The following TLN2 variants were observed in gnomAD, a reference collection of about 807,000 sequenced individuals.
The protein encoded by TLN2 is talin 2.
Under a neutral mutation model 294.7 loss-of-function variants are expected in TLN2, and 118 were observed. That is an observed-to-expected ratio of 0.40 (90% CI 0.34 to 0.47). The LOEUF (loss-of-function observed/expected upper bound fraction) is 0.47. Among genes scored for constraint, TLN2 ranks in the 20% least tolerant of loss-of-function variants. The pLI, the probability that TLN2 is intolerant of heterozygous loss-of-function variation, is 0.84. For missense variants in TLN2, 3,083 were observed against 3,282.2 expected, an observed-to-expected ratio of 0.94 and a Z score of 1.48; for synonymous variants, 1,431 against 1,304.5, an observed-to-expected ratio of 1.10 and a Z score of -2.09.
At chr15:62,509,191 C>A (rs1050238277) in intron 1 of TLN2, among the ~76,000 whole-genome samples, 1 of 152,226 alleles carries the variant, frequency 6.6e-6, no homozygotes, top group African/African-American at 2.4e-5. Flanking sequence ...GACATTCTGA[C>A]TATGATGGCT....
chr15:62,740,146 A>T (rs1216607251), intron 31 of TLN2, among the ~76,000 whole-genome samples: 2 of 151,856 alleles, frequency 1.3e-5, no homozygotes, highest in Non-Finnish European at 2.9e-5. Flanking sequence ...TCAGATGGCA[A>T]CCGGGTGAGA....
At chr15:62,410,119 G>A (rs1011728368) in intron 1 of TLN2, among the ~76,000 whole-genome samples, 3 of 152,112 alleles carry the variant, frequency 2.0e-5, no homozygotes, top group African/African-American at 4.8e-5. Context: ...GTGTGCGCCT[G>A]TAATCCCAGC....
chr15:62,657,725 T>C (rs200354691), intron 8 of TLN2, 46 bp from the exon 9 acceptor site: 321 of 1,594,586 alleles, frequency 2.0e-4, no homozygotes, highest in Middle Eastern at 1.0e-3. Context: ...AGAGAACGTG[T>C]CACTCCCCGA....
chr15:62,445,857 G>T (rs895785807), intron 1 of TLN2, among the ~76,000 whole-genome samples: 1 of 152,018 alleles, frequency 6.6e-6, no homozygotes, highest in African/African-American at 2.4e-5. Flanking sequence ...AGAGATGAGG[G>T]CTCACTGTGT....
At chr15:62,770,887 G>C in intron 41 of TLN2, 77 bp from the exon 42 acceptor site, 4 of 1,521,502 alleles carry the variant, frequency 2.6e-6, no homozygotes, top group Non-Finnish European at 3.5e-6. Flanking sequence ...CCCCTCCCGC[G>C]CCTGACTGTG....
chr15:62,623,953 C>G (rs2049046338), intron 3 of TLN2, among the ~76,000 whole-genome samples: 1 of 152,116 alleles, frequency 6.6e-6, no homozygotes, highest in Non-Finnish European at 1.5e-5. Context: ...TTAGGTATTA[C>G]TGTACTTTTT....
chr15:62,701,339 C>T, intron 17 of TLN2, 125 bp downstream of exon 17: 1 of 822,812 alleles, frequency 1.2e-6, no homozygotes, highest in Non-Finnish European at 1.9e-6. Context: ...AGAGGATAGT[C>T]TAAGGCACTT....
At chr15:62,827,478 G>GTAAC (rs1314077078) in intron 54 of TLN2, among the ~76,000 whole-genome samples, 3 of 152,284 alleles carry the variant, frequency 2.0e-5, no homozygotes, top group African/African-American at 2.4e-5. Flanking sequence ...AGAAAACTGA[G>GTAAC]TAACTGATAC....
chr15:62,601,603 C>T (rs2047013459), intron 2 of TLN2, among the ~76,000 whole-genome samples: 2 of 152,124 alleles, frequency 1.3e-5, no homozygotes, highest in African/African-American at 4.8e-5. Context: ...TGATCATTGC[C>T]TATATCTCTT....
rs550743297 is a variant in TLN2, at chr15:62,701,030, T to C, written c.1588-76T>C. The C allele has an allele frequency of 1.1e-5, 14 of 1,327,438 alleles. No homozygotes were observed. The African/African-American group carries it at 1.6e-4, about 15-fold the overall frequency. The allele number at this position is 1,327,438 out of a possible 1,614,324, so 82.2% of individuals were successfully genotyped here. A position where few individuals can be genotyped will look rare whatever the true frequency, so the allele number is the denominator to read the frequency against. ...GAATGTAGCCAAAATGCTGGTGTGA[T>C]TTTATGGCGGGGCTTCTCCGGTCTC... On this transcript the variant is annotated intron_variant, in intron 16 of 58. Coordinates refer to ENST00000636159, the MANE Select transcript of TLN2 (RefSeq NM_015059.3).
At chr15:62,838,433 G>A (rs1596218400) in intron 57 of TLN2, among the ~76,000 whole-genome samples, 1 of 152,200 alleles carries the variant, frequency 6.6e-6, no homozygotes, top group African/African-American at 2.4e-5. Flanking sequence ...AGCTAAGGGA[G>A]ACAAGCGAAA....
At chr15:62,662,294 A>G (rs992645914) in intron 9 of TLN2, among the ~76,000 whole-genome samples, 3 of 152,200 alleles carry the variant, frequency 2.0e-5, no homozygotes, top group African/African-American at 7.2e-5. Flanking sequence ...AAATAAATTT[A>G]CAATCTTGAA....
intron 1 of TLN2, among the ~76,000 whole-genome samples, chr15:62,451,000 A>T (rs2036108991): frequency 6.8e-6 from 1 of 146,456 alleles, no homozygotes; most frequent in African/African-American, 2.6e-5. Flanking sequence ...GGTAGAGATG[A>T]GGTCTTGCTA....
chr15:62,600,079 G>A (rs2046860360), intron 2 of TLN2, among the ~76,000 whole-genome samples: 1 of 152,326 alleles, frequency 6.6e-6, no homozygotes, highest in South Asian at 2.1e-4. Flanking sequence ...CCAAGAGGAG[G>A]TGGGATTTCC....
intron 1 of TLN2, among the ~76,000 whole-genome samples, chr15:62,447,114 G>A (rs1483269901): frequency 6.6e-6 from 1 of 152,170 alleles, no homozygotes; most frequent in Non-Finnish European, 1.5e-5. Context: ...ACGCATAGCT[G>A]CATAATCTTT....
intron 29 of TLN2, 52 bp downstream of exon 29, chr15:62,737,138 C>T: frequency 6.3e-7 from 1 of 1,592,150 alleles, no homozygotes; most frequent in East Asian, 2.2e-5. Flanking sequence ...TTAACGTGGA[C>T]ATGTGGTCGG....
chr15:62,746,247 A>G (rs929280012), intron 32 of TLN2, among the ~76,000 whole-genome samples: 1 of 152,216 alleles, frequency 6.6e-6, no homozygotes, highest in Admixed American at 6.5e-5. Flanking sequence ...ATATGTTGAT[A>G]TATGCCAGCC....
At chr15:62,421,511 C>G (rs1251218106) in intron 1 of TLN2, among the ~76,000 whole-genome samples, 1 of 152,140 alleles carries the variant, frequency 6.6e-6, no homozygotes, top group Non-Finnish European at 1.5e-5. Context: ...AGAATGAGAT[C>G]ATGTCCTTTG....
At chr15:62,822,499 C>G (rs1326257362) in intron 54 of TLN2, among the ~76,000 whole-genome samples, 1 of 152,188 alleles carries the variant, frequency 6.6e-6, no homozygotes, top group African/African-American at 2.4e-5. Context: ...TGGAAAAAGT[C>G]CATTAGAATC....
Sources: gnomAD v4.1 joint callset for allele counts (sites outside exome capture counted in the v4.1 genomes callset) on GRCh38, gnomAD v4.1.1 for gene constraint, MANE v1.5 for transcripts, NCBI Gene and HGNC (gene_info 2026-07-23, HGNC 2026-07-21) for gene names.